The following SEC11A variants were observed in gnomAD, a reference collection of about 807,000 sequenced individuals.
SEC11A encodes the protein SEC11 homolog A, signal peptidase complex subunit, also known as signal peptidase complex catalytic subunit SEC11A.
SEC11A carries 14 observed loss-of-function variants against 25.6 expected under a neutral mutation model. That is an observed-to-expected ratio of 0.55 (90% confidence interval 0.36 to 0.85). SEC11A has a LOEUF of 0.85. Ranked by LOEUF, SEC11A falls within the 40% of genes least tolerant of loss-of-function variation. The pLI, the probability that SEC11A is intolerant of heterozygous loss-of-function variation, is 0.01. For synonymous variants in SEC11A, 83 were observed against 76.4 expected (o/e 1.09, Z -0.45); for missense variants, 153 against 222.9 (o/e 0.69, Z 2.00).
rs1354702763 is a variant in SEC11A, at chr15:84,670,751, G to C, written c.463C>G (p.Leu155Val). The C allele has an allele frequency of 5.5e-6, 8 of 1,459,500 alleles. No homozygotes were observed. In the South Asian group the frequency reaches 8.7e-5, roughly 16 times the overall value. 90.4% of individuals were successfully genotyped at this position (1,459,500 alleles called of 1,614,324 possible). The change falls in exon 5 of 6, where the codon CTC (leucine) becomes GTC (valine). Residue 155 changes from leucine to valine, a missense_variant. Leu to Val is a conservative substitution (Grantham distance 32). Coordinates refer to ENST00000268220, the MANE Select transcript of SEC11A (RefSeq NM_014300.4). ...TTAAATTTAGGATAGTCATTCATGA[G>C]GATCGTCACAATTCCAATATAAGGA... is the stretch of plus-strand genomic sequence containing the variant. ...FVPYIGIVTI[L>V]MNDYPKFKYA... is the part of the protein sequence containing the mutation.
chr15:84,704,403 C>A (rs1898036276), intron 1 of SEC11A, among the ~76,000 whole-genome samples: 1 of 152,262 alleles, frequency 6.6e-6, no homozygotes. Context: ...GAATAGTAGG[C>A]CAGTTTTCGA....
Position 84,699,555 on chromosome 15 carries a change from C to T in SEC11A, c.52-7911G>A, listed in dbSNP as rs182748859. Among the ~76,000 whole-genome samples, 23 of 152,122 alleles carry T rather than the reference C, an allele frequency of 1.5e-4. No homozygotes were observed. In the East Asian group the frequency reaches 3.9e-3, roughly 26 times the overall value. On this transcript the variant is annotated intron_variant, in intron 1 of 5. Coordinates refer to ENST00000268220, the MANE Select transcript of SEC11A (RefSeq NM_014300.4). ...CCTACAACTGCCTCAACTTATAGATCGGAGAATTTCCAGACCACAGGGCAA... is the reference window on the plus strand; with the variant it reads ...CCTACAACTGCCTCAACTTATAGATTGGAGAATTTCCAGACCACAGGGCAA...
chr15:84,670,099 G>C, intron 5 of SEC11A, 30 bp from the exon 6 acceptor site: 1 of 1,606,930 alleles, frequency 6.2e-7, no homozygotes, highest in Non-Finnish European at 8.5e-7. Context: ...CCACAAGTCA[G>C]AGAAGCGTTG....
In SEC11A at chr15:84,687,646, C is replaced by T. The variant is rs1270500368; in HGVS notation, c.290G>A (p.Arg97Gln). The T allele has an allele frequency of 6.3e-7, 1 of 1,581,708 alleles. No homozygotes were observed. Among genetic ancestry groups the T allele is most frequent in the African/African-American group, 1.4e-5 (1 of 72,546 alleles). Residue 97 changes from arginine to glutamine, a missense_variant, in exon 3 of 6, where the codon CGA (arginine) becomes CAA (glutamine). Coordinates refer to ENST00000268220, the MANE Select transcript of SEC11A (RefSeq NM_014300.4). ...ATACTTTTCATGAATCTTCAAGACT[C>T]GGTGAACTATAGGAATCTCTCTTCC... is the stretch of plus-strand genomic sequence containing the variant. ...IEGREIPIVHRVLKIHEKQNG... is the reference protein window; with the variant it reads ...IEGREIPIVHQVLKIHEKQNG...
intron 3 of SEC11A, among the ~76,000 whole-genome samples, chr15:84,681,921 T>G (rs1897291753): frequency 6.6e-6 from 1 of 151,954 alleles, no homozygotes; most frequent in African/African-American, 2.4e-5. Context: ...TACAAAAAAA[T>G]TAGCCAAGCA....
chr15:84,708,767 G>A (rs977669014), intron 1 of SEC11A, among the ~76,000 whole-genome samples: 2 of 151,650 alleles, frequency 1.3e-5, no homozygotes, highest in Non-Finnish European at 2.9e-5. Flanking sequence ...CAGCCTAGGT[G>A]ACAGAGCGAG....
intron 1 of SEC11A, among the ~76,000 whole-genome samples, chr15:84,713,020 C>G (rs1596087036): frequency 2.0e-5 from 3 of 151,986 alleles, no homozygotes; most frequent in African/African-American, 7.2e-5. Context: ...TGGTGAAACC[C>G]TGTCTCTACT....
rs1276969144 is a variant in SEC11A at position 84,691,023 on chromosome 15, T to C, written c.161+512A>G. 2.0e-5 allele frequency among the ~76,000 whole-genome samples: 3 copies of C among 152,096 alleles called. No individual in the cohort carries two copies. The East Asian group carries it at 5.8e-4, about 29-fold the overall frequency. On this transcript the variant is annotated intron_variant, in intron 2 of 5. Coordinates refer to ENST00000268220, the MANE Select transcript of SEC11A (RefSeq NM_014300.4). ...TTTTTTGTAGAAAGGTCATGAGCCC[T>C]TTGGAGTTCTGAATGGAAATGCCTA...
chr15:84,671,573 C>T (rs1289243335), intron 4 of SEC11A: 1 of 152,184 alleles, frequency 6.6e-6, no homozygotes, highest in African/African-American at 2.4e-5. Flanking sequence ...GCACCTGATA[C>T]ATTTCCTTTG....
At chr15:84,699,495 T>C (rs1179850349) in intron 1 of SEC11A, among the ~76,000 whole-genome samples, 6 of 152,214 alleles carry the variant, frequency 3.9e-5, no homozygotes, top group African/African-American at 1.4e-4. Context: ...GTAAGGACTG[T>C]GATTACTTAG....
At chr15:84,674,041 A>T (rs1897071988) in intron 4 of SEC11A, among the ~76,000 whole-genome samples, 1 of 152,132 alleles carries the variant, frequency 6.6e-6, no homozygotes, top group Non-Finnish European at 1.5e-5. Context: ...TTCAAGAAGT[A>T]CAATTTTAGT....
intron 1 of SEC11A, among the ~76,000 whole-genome samples, chr15:84,699,589 T>C (rs1406070437): frequency 1.3e-5 from 2 of 151,824 alleles, no homozygotes; most frequent in South Asian, 4.1e-4. Context: ...AAAGGAGAAA[T>C]GCAGACAGAG....
chr15:84,689,875 T>A (rs1897551605), intron 2 of SEC11A, among the ~76,000 whole-genome samples: 1 of 152,194 alleles, frequency 6.6e-6, no homozygotes, highest in African/African-American at 2.4e-5. Context: ...TCCAAAGTGC[T>A]GGGATTACAG....
rs1337885989 is a variant in SEC11A at position 84,703,754 on chromosome 15, A to G, written c.52-12110T>C. On this transcript the variant is annotated intron_variant, in intron 1 of 5. Coordinates refer to ENST00000268220, the MANE Select transcript of SEC11A (RefSeq NM_014300.4). ...AGCGACTTGGAGGGGACATCACTGG[A>G]AAGTTGAGACAAGAAGTCTGAGGAA... Among the ~76,000 whole-genome samples, 3 of 152,226 alleles carry G rather than the reference A, an allele frequency of 2.0e-5. No individual in the cohort carries two copies. In the East Asian group the frequency reaches 5.8e-4, roughly 29 times the overall value.
chr15:84,704,066 A>G (rs1898026440), intron 1 of SEC11A, among the ~76,000 whole-genome samples: 1 of 152,156 alleles, frequency 6.6e-6, no homozygotes, highest in Non-Finnish European at 1.5e-5. Context: ...TACCCTGCCA[A>G]CCGCAAAAAA....
chr15:84,713,762 G>T (rs1428440319), intron 1 of SEC11A, among the ~76,000 whole-genome samples: 1 of 152,128 alleles, frequency 6.6e-6, no homozygotes, highest in African/African-American at 2.4e-5. Context: ...CTATCTAGCA[G>T]GTTTGCAAGT....
chr15:84,687,028 A>T (rs1240245810), intron 3 of SEC11A: 2 of 152,188 alleles, frequency 1.3e-5, no homozygotes, highest in Non-Finnish European at 2.9e-5. Context: ...GCCCACCACC[A>T]CACCTGGCTA....
chr15:84,691,402 G>A, intron 2 of SEC11A, 133 bp downstream of exon 2: 1 of 598,596 alleles, frequency 1.7e-6, no homozygotes, highest in South Asian at 2.1e-5. Flanking sequence ...GATAAGTAGT[G>A]ACTAATTTTC....
intron 1 of SEC11A, among the ~76,000 whole-genome samples, chr15:84,699,216 G>A (rs1392806433): frequency 6.6e-6 from 1 of 151,118 alleles, no homozygotes; most frequent in African/African-American, 2.4e-5. Flanking sequence ...TCGGGAGGTT[G>A]AGGTGGGAGG....
Sources: allele counts gnomAD v4.1 joint callset (sites outside exome capture counted in the v4.1 genomes callset), GRCh38; gene constraint gnomAD v4.1.1; transcripts MANE v1.5; gene names NCBI Gene and HGNC (gene_info 2026-07-23, HGNC 2026-07-21).